Variants in PTK7 observed in about 807,000 individuals in gnomAD.
PTK7 encodes inactive tyrosine-protein kinase 7.
Under a neutral mutation model 116.6 loss-of-function variants are expected in PTK7, and 39 were observed. That is an observed-to-expected ratio of 0.33 (90% CI 0.26 to 0.44). The LOEUF (loss-of-function observed/expected upper bound fraction) is 0.44, where lower values mean the gene tolerates loss of function less well. Ranked by LOEUF, PTK7 falls within the 20% of genes least tolerant of loss-of-function variation. PTK7 has a pLI of 1.00. For synonymous variants in PTK7, 546 were observed against 563.6 expected (o/e 0.97, Z 0.44); for missense variants, 1,169 against 1,425.6 (o/e 0.82, Z 2.90).
Position 43,130,268 on chromosome 6 carries a change from C to G in PTK7, c.509C>G (p.Ser170Cys). The G allele has an allele frequency of 6.2e-7, 1 of 1,602,972 alleles. No homozygotes were observed. The highest frequency in any genetic ancestry group is 1.1e-5 in the South Asian group (1 of 90,492). ...YQWFRDGTPLSDGQSNHTVSS... is the reference protein window; with the variant it reads ...YQWFRDGTPLCDGQSNHTVSS... ...TGGTTCCGAGATGGGACCCCCCTTT[C>G]TGATGGTCAGAGCAACCACACAGTC... is the stretch of plus-strand genomic sequence containing the variant. The change falls in exon 4 of 20, where the codon TCT becomes TGT. Residue 170 changes from serine (S) to cysteine (C), a missense_variant. Physicochemically the swap from Ser to Cys is moderately radical, Grantham distance 112. Around this residue, in one of 3 missense-constraint regions of PTK7, gnomAD observed 487 missense variants for 549.8 expected, o/e 0.89. Coordinates refer to ENST00000230419, the MANE Select transcript of PTK7 (RefSeq NM_002821.5).
intron 1 of PTK7, among the ~76,000 whole-genome samples, chr6:43,079,344 G>A (rs1278800711): frequency 1.3e-5 from 2 of 152,070 alleles, no homozygotes; most frequent in Non-Finnish European, 2.9e-5. Context: ...GCGGGTGCCC[G>A]TAGTCCCAGC....
Position 43,143,190 on chromosome 6 carries a change from C to T in PTK7, c.2048-227C>T, listed in dbSNP as rs572801920. 2.1e-4 allele frequency: 105 copies of T among 509,022 alleles called. No individual in the cohort carries two copies. Among genetic ancestry groups the T allele is most frequent in the Non-Finnish European group, 3.4e-4 (98 of 286,332 alleles). 31.5% of individuals were successfully genotyped at this position (509,022 alleles called of 1,614,324 possible). On this transcript the variant is annotated intron_variant, in intron 13 of 19. Coordinates refer to ENST00000230419, the MANE Select transcript of PTK7 (RefSeq NM_002821.5). The surrounding 1 kb of genome is among the most constrained non-coding windows in gnomAD (Gnocchi z 4.2). ...TATCCGTGTCGCCTGTCTTGGCTTC[C>T]GATGCAAAGCCAGCTTGGGAACCCC...
chr6:43,111,726 G>C (rs1177063385), intron 1 of PTK7, among the ~76,000 whole-genome samples: 1 of 152,030 alleles, frequency 6.6e-6, no homozygotes. Context: ...GCAGTGGCAC[G>C]ATCATTGCTC....
intron 1 of PTK7, among the ~76,000 whole-genome samples, chr6:43,084,992 T>C (rs1227925043): frequency 6.6e-6 from 1 of 152,198 alleles, no homozygotes; most frequent in Admixed American, 6.5e-5. Context: ...AAGAGACATC[T>C]ATAGACCTGT....
At chr6:43,137,828 A>G (rs1354609226) in intron 7 of PTK7, among the ~76,000 whole-genome samples, 2 of 151,986 alleles carry the variant, frequency 1.3e-5, no homozygotes, top group Non-Finnish European at 2.9e-5. Context: ...TTTATTTGAG[A>G]TGGAGTCTCA....
chr6:43,121,948 T>A (rs1768990320), intron 1 of PTK7, among the ~76,000 whole-genome samples: 1 of 152,130 alleles, frequency 6.6e-6, no homozygotes, highest in African/African-American at 2.4e-5. Flanking sequence ...AGTACCAGCC[T>A]GGGCAACCTA....
intron 1 of PTK7, among the ~76,000 whole-genome samples, chr6:43,119,426 G>A (rs915686155): frequency 6.6e-6 from 1 of 152,202 alleles, no homozygotes; most frequent in Non-Finnish European, 1.5e-5. Context: ...CTGCGGGAAG[G>A]ACCATGGGAA....
chr6:43,108,094 CTTTT>C (rs1327874500), intron 1 of PTK7, among the ~76,000 whole-genome samples: 1 of 137,422 alleles, frequency 7.3e-6, no homozygotes, highest in Non-Finnish European at 1.6e-5. Context: ...GCTGCTTTAA[CTTTT>C]TTTTTTTTTT....
At chr6:43,083,663 C>T (rs1212452455) in intron 1 of PTK7, among the ~76,000 whole-genome samples, 2 of 152,190 alleles carry the variant, frequency 1.3e-5, no homozygotes, top group East Asian at 1.9e-4. Context: ...CGCCTTTCCC[C>T]TCTCGCAACT....
chr6:43,129,891 C>A lies in PTK7; in HGVS notation c.470+62C>A. On this transcript the variant is annotated intron_variant, in intron 3 of 19. Coordinates refer to ENST00000230419, the MANE Select transcript of PTK7 (RefSeq NM_002821.5). This position sits in a 1 kb window ranked among gnomAD's most constrained non-coding sequence, Gnocchi z 4.5. ...TCCGGACAGGGATGTCTCCCCAAAT[C>A]TTGGACTCTATGCGGATGTTACCTC... The A allele has an allele frequency of 1.3e-6, 2 of 1,499,278 alleles. No homozygotes were observed. The highest frequency in any genetic ancestry group is 1.9e-6 in the Non-Finnish European group (2 of 1,079,294). The allele number at this position is 1,499,278 out of a possible 1,614,324, so 92.9% of individuals were successfully genotyped here.
chr6:43,156,196 T>A (rs1237362976), intron 17 of PTK7, among the ~76,000 whole-genome samples: 11 of 118,920 alleles, frequency 9.2e-5, no homozygotes, highest in African/African-American at 3.3e-4. Context: ...GCCACTGTAC[T>A]CCAGCCTGGG....
chr6:43,091,956 G>A (rs1447457858), intron 1 of PTK7, among the ~76,000 whole-genome samples: 3 of 152,010 alleles, frequency 2.0e-5, no homozygotes, highest in African/African-American at 7.2e-5. Flanking sequence ...TCCACCTCCC[G>A]GGTTCAAGTG....
intron 1 of PTK7, among the ~76,000 whole-genome samples, chr6:43,091,857 C>CT (rs971088811): frequency 9.9e-5 from 15 of 152,146 alleles, no homozygotes; most frequent in African/African-American, 3.4e-4. Flanking sequence ...TCAAGTAACT[C>CT]TTTTTTTAAT....
chr6:43,108,085 C>T (rs548439273), intron 1 of PTK7, among the ~76,000 whole-genome samples: 7 of 150,866 alleles, frequency 4.6e-5, no homozygotes, highest in African/African-American at 1.7e-4. Flanking sequence ...TTCCAGAAAG[C>T]TGCTTTAACT....
Position 43,076,586 on chromosome 6 carries a change from G to A in PTK7, c.79+19G>A. On this transcript the variant is annotated intron_variant, in intron 1 of 19. Coordinates refer to ENST00000230419, the MANE Select transcript of PTK7 (RefSeq NM_002821.5). The surrounding 1 kb of genome is among the most constrained non-coding windows in gnomAD (Gnocchi z 5.7). The stretch of plus-strand genomic sequence containing the variant: ...CTGGGCGGTGAGTACCCGAGAGTTG[G>A]GGGCACAGAGCTTGGGAAGCGCGGG... The A allele has an allele frequency of 6.4e-7, 1 of 1,570,910 alleles. No individual in the cohort carries two copies. The highest frequency in any genetic ancestry group is 8.6e-7 in the Non-Finnish European group (1 of 1,164,046).
chr6:43,115,606 G>A (rs1412298045), intron 1 of PTK7, among the ~76,000 whole-genome samples: 1 of 152,122 alleles, frequency 6.6e-6, no homozygotes, highest in African/African-American at 2.4e-5. Context: ...GCTGCGAGGA[G>A]AGCTTTGGAT....
chr6:43,094,520 A>C (rs1435820544), intron 1 of PTK7, among the ~76,000 whole-genome samples: 1 of 150,574 alleles, frequency 6.6e-6, no homozygotes, highest in African/African-American at 2.5e-5. Flanking sequence ...GCTGGAGTGC[A>C]GTGGCACGAT....
chr6:43,159,563 GA>G, intron 18 of PTK7: 1 of 583,414 alleles, frequency 1.7e-6, no homozygotes, highest in South Asian at 2.0e-5. Context: ...GGCAAAGTTT[GA>G]TTCTTAATGG....
At chr6:43,087,463 T>C (rs1045882766) in intron 1 of PTK7, among the ~76,000 whole-genome samples, 1 of 152,204 alleles carries the variant, frequency 6.6e-6, no homozygotes, top group Admixed American at 6.5e-5. Flanking sequence ...TTTAGAGGAA[T>C]TCCTGCAAGA....
Sources: gnomAD v4.1 joint callset for allele counts (sites outside exome capture counted in the v4.1 genomes callset) on GRCh38, gnomAD v4.1.1 for gene constraint, gnomAD v4.1.1 regional missense constraint, Gnocchi (gnomAD v3.1) non-coding constraint, MANE v1.5 for transcripts, NCBI Gene and HGNC (gene_info 2026-07-23, HGNC 2026-07-21) for gene names.